RASGEF1A: variants seen among roughly 807,000 people sequenced by gnomAD.
RASGEF1A encodes ras-GEF domain-containing family member 1A.
A neutral mutation model predicts 56.4 loss-of-function variants in RASGEF1A; 18 were observed. That is an observed-to-expected ratio of 0.32 (90% CI 0.22 to 0.47). The LOEUF is 0.47. Among genes scored for constraint, RASGEF1A ranks in the 20% least tolerant of loss-of-function variants. The pLI is 1.00. For synonymous variants in RASGEF1A, 245 were observed against 242.6 expected (o/e 1.01, Z -0.09); for missense variants, 422 against 627.1 (o/e 0.67, Z 3.49).
chr10:43,205,858 G>A (rs557533683), intron 2 of RASGEF1A, 61 bp downstream of exon 2: 12 of 1,405,110 alleles, frequency 8.5e-6, no homozygotes, highest in Admixed American at 5.3e-5. Flanking sequence ...TCCCACACCC[G>A]ACATCTCCTG....
intron 1 of RASGEF1A, among the ~76,000 whole-genome samples, chr10:43,233,302 ACGTGTGTGTGTG>A (rs1401292548): frequency 5.9e-5 from 9 of 152,252 alleles, no homozygotes; most frequent in East Asian, 1.9e-4. Context: ...ATGTGTGTGC[ACGTGTGTGTGTG>A]CGTGTGTGTG....
chr10:43,242,742 G>C (rs531094771), intron 1 of RASGEF1A, among the ~76,000 whole-genome samples: 13 of 152,058 alleles, frequency 8.5e-5, no homozygotes, highest in Non-Finnish European at 1.0e-4. Flanking sequence ...TGTGTTGACC[G>C]GGCTGGTTTC....
intron 1 of RASGEF1A, chr10:43,208,064 G>A (rs184718820): frequency 1.0e-4 from 102 of 985,464 alleles, no homozygotes; most frequent in African/African-American, 8.0e-4. Context: ...TCACGAAGGC[G>A]GGCTCACAAA....
chr10:43,218,556 A>G (rs760877209), intron 1 of RASGEF1A, among the ~76,000 whole-genome samples: 2 of 151,962 alleles, frequency 1.3e-5, no homozygotes, highest in Non-Finnish European at 3.0e-5. Context: ...GCAGCAGGGC[A>G]GGGAACTCCC....
chr10:43,252,312 C>G (rs1407829663), intron 1 of RASGEF1A, among the ~76,000 whole-genome samples: 1 of 152,184 alleles, frequency 6.6e-6, no homozygotes, highest in Non-Finnish European at 1.5e-5. Context: ...CCAGAAGGAG[C>G]AGACAGACCA....
intron 1 of RASGEF1A, among the ~76,000 whole-genome samples, chr10:43,242,249 G>A (rs1040262012): frequency 6.6e-6 from 1 of 152,056 alleles, no homozygotes; most frequent in African/African-American, 2.4e-5. Flanking sequence ...TAGACTTTAG[G>A]ACAAAAATTG....
intron 5 of RASGEF1A, 68 bp from the exon 6 acceptor site, chr10:43,200,324 A>T (rs1839873587): frequency 7.2e-7 from 1 of 1,391,074 alleles, no homozygotes; most frequent in Non-Finnish European, 1.0e-6. Flanking sequence ...CTGCATAGGC[A>T]TGCGGACAGG....
At chr10:43,228,429 G>A (rs1840311519) in intron 1 of RASGEF1A, among the ~76,000 whole-genome samples, 1 of 152,220 alleles carries the variant, frequency 6.6e-6, no homozygotes, top group Admixed American at 6.5e-5. Flanking sequence ...ACGGGGTGGG[G>A]CCGTGGGGTC....
At chr10:43,206,217 G>A (rs1005959920) in intron 1 of RASGEF1A, 95 bp from the exon 2 acceptor site, 3 of 1,057,228 alleles carry the variant, frequency 2.8e-6, no homozygotes, top group Non-Finnish European at 4.1e-6. Context: ...ATGCATGTGT[G>A]CAGGGGTGCG....
At chr10:43,256,964 C>G (rs568738700) in intron 1 of RASGEF1A, among the ~76,000 whole-genome samples, 6 of 152,204 alleles carry the variant, frequency 3.9e-5, no homozygotes, top group Non-Finnish European at 7.3e-5. Flanking sequence ...ACCTCTCCCT[C>G]CTTCCAGAAT....
chr10:43,262,285 A>C (rs1836543587), intron 1 of RASGEF1A, among the ~76,000 whole-genome samples: 1 of 152,102 alleles, frequency 6.6e-6, no homozygotes, highest in Non-Finnish European at 1.5e-5. Flanking sequence ...TGCCATGGCA[A>C]CCAGATCCAG....
At chr10:43,231,339 C>A (rs889704208) in intron 1 of RASGEF1A, among the ~76,000 whole-genome samples, 3 of 152,248 alleles carry the variant, frequency 2.0e-5, no homozygotes, top group African/African-American at 7.2e-5. Context: ...GAGGCACCTG[C>A]CCCTGCCTTC....
At chr10:43,202,998 G>T (rs1839930053) in intron 3 of RASGEF1A, among the ~76,000 whole-genome samples, 1 of 116,848 alleles carries the variant, frequency 8.6e-6, no homozygotes, top group South Asian at 2.9e-4. Flanking sequence ...CCCTAGCCAT[G>T]ACCCCGCCCC....
rs142566101 is a variant in RASGEF1A at position 43,256,606 on chromosome 10, C to T, written c.-7+10239G>A. Among the ~76,000 whole-genome samples the T allele has an allele frequency of 6.5e-4, 99 of 152,310 alleles. 1 individual carries two copies. The highest frequency in any genetic ancestry group is 3.4e-3 in the Middle Eastern group (1 of 294). On this transcript the variant is annotated intron_variant, in intron 1 of 12. Transcript: ENST00000395810. ...ACCTCTCTCGGCTTCCAGGGCACTG[C>T]ACACTCAGTGCGACTCTGGACCTCA... is the stretch of plus-strand genomic sequence containing the variant.
intron 1 of RASGEF1A, chr10:43,209,068 G>A (rs965649835): frequency 5.4e-5 from 53 of 985,320 alleles, no homozygotes; most frequent in South Asian, 9.4e-5. Context: ...CAGGCACTTC[G>A]ACAGGCAGCT....
At chr10:43,244,130 G>T (rs1051963539) in intron 1 of RASGEF1A, among the ~76,000 whole-genome samples, 14 of 152,326 alleles carry the variant, frequency 9.2e-5, no homozygotes, top group Admixed American at 8.5e-4. Context: ...TCAACTCAGG[G>T]TTAAATGGAT....
Position 43,263,472 on chromosome 10 carries a change from C to T in RASGEF1A, c.-7+3373G>A, listed in dbSNP as rs74135484. ...TAAAAAAGGAAAAGCACCTGTCAACCGGACAGCCACATCTTTGCATCCCAC... is the reference window on the plus strand; with the variant it reads ...TAAAAAAGGAAAAGCACCTGTCAACTGGACAGCCACATCTTTGCATCCCAC... On this transcript the variant is annotated intron_variant, in intron 1 of 12. Transcript: ENST00000395810. Among the ~76,000 whole-genome samples, 990 of 152,292 alleles carry T rather than the reference C, an allele frequency of 6.5e-3. 9 individuals carry two copies. Among genetic ancestry groups the T allele is most frequent in the African/African-American group, 0.023 (954 of 41,548 alleles).
intron 1 of RASGEF1A, among the ~76,000 whole-genome samples, chr10:43,209,699 A>T (rs1447091328): frequency 6.6e-6 from 1 of 152,026 alleles, no homozygotes; most frequent in African/African-American, 2.4e-5. Context: ...CACCAGGGCT[A>T]GGCAGAGATA....
intron 1 of RASGEF1A, among the ~76,000 whole-genome samples, chr10:43,223,091 T>C (rs1840230216): frequency 6.6e-6 from 1 of 152,124 alleles, no homozygotes; most frequent in Admixed American, 6.5e-5. Context: ...TCATGCTAGA[T>C]TCACAACCAG....
Sources: gnomAD v4.1 joint callset for allele counts (sites outside exome capture counted in the v4.1 genomes callset) on GRCh38, gnomAD v4.1.1 for gene constraint, MANE v1.5 for transcripts, NCBI Gene and HGNC (gene_info 2026-07-23, HGNC 2026-07-21) for gene names.